The following TMC1 variants were observed in gnomAD, a reference collection of about 807,000 sequenced individuals.
TMC1 encodes transmembrane channel like 1.
In TMC1, 84 loss-of-function variants were observed where a neutral mutation model predicts 105.8. The observed-to-expected ratio is 0.79, with a 90% CI of 0.67 to 0.95. TMC1 has a LOEUF of 0.95. Among genes scored for constraint, TMC1 ranks in the 40% least tolerant of loss-of-function variants. The pLI, the probability that TMC1 is intolerant of heterozygous loss-of-function variation, is 0.00. For synonymous variants in TMC1, 315 were observed against 311.5 expected, an observed-to-expected ratio of 1.01 and a Z score of -0.12; for missense variants, 817 against 914.1, an observed-to-expected ratio of 0.89 and a Z score of 1.37.
chr9:72,534,371 C>T (rs915781785), intron 1 of TMC1, among the ~76,000 whole-genome samples: 9 of 152,000 alleles, frequency 5.9e-5, no homozygotes, highest in African/African-American at 2.2e-4. Flanking sequence ...TGTAGATGGA[C>T]AGCAGTTTAC....
intron 2 of TMC1, among the ~76,000 whole-genome samples, chr9:72,615,848 G>A (rs1431067668): frequency 6.6e-6 from 1 of 151,706 alleles, no homozygotes; most frequent in Non-Finnish European, 1.5e-5. Context: ...CTGCCTCCCG[G>A]GTTTAAGCAA....
chr9:72,538,031 C>G (rs957659362), intron 1 of TMC1, among the ~76,000 whole-genome samples: 1 of 151,994 alleles, frequency 6.6e-6, no homozygotes, highest in Non-Finnish European at 1.5e-5. Context: ...TGGAGCACAC[C>G]TGTAGTCCTT....
intron 2 of TMC1, among the ~76,000 whole-genome samples, chr9:72,601,131 T>C (rs1157083435): frequency 2.0e-5 from 3 of 150,624 alleles, no homozygotes; most frequent in African/African-American, 7.4e-5. Flanking sequence ...GACCAGGAGA[T>C]TAGGACCAAC....
At position 72,557,746 on chromosome 9, in the gene TMC1, A is replaced by G. The variant is rs928991619; in HGVS notation, c.-427-20156A>G. 6.6e-5 allele frequency among the ~76,000 whole-genome samples: 10 copies of G among 152,164 alleles called. No homozygotes were observed. In the East Asian group the frequency reaches 1.9e-3, roughly 29 times the overall value. ...GATGCTGCAGGAGATCTTAGCAAAC[A>G]TTCAAGATTTTCACTGAGTCATTTG... On this transcript the variant is annotated intron_variant, in intron 1 of 23. Coordinates refer to ENST00000297784, the MANE Select transcript of TMC1 (RefSeq NM_138691.3).
chr9:72,758,034 G>C (rs71505995), intron 12 of TMC1, among the ~76,000 whole-genome samples: 3,778 of 152,174 alleles, frequency 0.025, 79 homozygotes, highest in Admixed American at 0.039. Flanking sequence ...GAAGCAATAG[G>C]ATTATATAGT....
At chr9:72,815,109 T>C (rs1828763457) in intron 18 of TMC1, among the ~76,000 whole-genome samples, 1 of 152,162 alleles carries the variant, frequency 6.6e-6, no homozygotes, top group South Asian at 2.1e-4. Context: ...TTATTACCAG[T>C]TGGTCAGTCT....
chr9:72,609,177 T>TTCCC (rs1295676846), intron 2 of TMC1, among the ~76,000 whole-genome samples: 70 of 117,152 alleles, frequency 6.0e-4, no homozygotes, highest in African/African-American at 2.4e-3. Context: ...CGCTTCCTCC[T>TTCCC]TCCCTTCCTT....
chr9:72,527,696 C>T (rs925779561), intron 1 of TMC1, among the ~76,000 whole-genome samples: 2 of 152,168 alleles, frequency 1.3e-5, no homozygotes, highest in Non-Finnish European at 2.9e-5. Flanking sequence ...TTGTTTGTTC[C>T]GTCCCTGGTT....
In TMC1 at chr9:72,772,702, A is replaced by G. The variant is rs148189513; in HGVS notation, c.884+147A>G. 968 of 1,086,316 alleles carry G rather than the reference A, an allele frequency of 8.9e-4. 4 individuals carry two copies. Among genetic ancestry groups the G allele is most frequent in the Non-Finnish European group, 1.2e-3 (852 of 722,332 alleles). The allele number at this position is 1,086,316 out of a possible 1,614,324, so 67.3% of individuals were successfully genotyped here. A position where few individuals can be genotyped will look rare whatever the true frequency, so the allele number is the denominator to read the frequency against. On this transcript the variant is annotated intron_variant, in intron 13 of 23. Transcript: ENST00000297784. ...GAGATGAAATGTAGTTTTAATACCA[A>G]CACTAATGTTAGACTATTACATCTT...
At chr9:72,791,788 T>C in intron 15 of TMC1, 98 bp from the exon 16 acceptor site, 1 of 999,804 alleles carries the variant, frequency 1.0e-6, no homozygotes, top group South Asian at 1.3e-5. Flanking sequence ...TTAAAAAAGA[T>C]CAAAGAAGCC....
chr9:72,532,788 A>G (rs1823521750), intron 1 of TMC1, among the ~76,000 whole-genome samples: 1 of 152,228 alleles, frequency 6.6e-6, no homozygotes, highest in Non-Finnish European at 1.5e-5. Context: ...ATTAATCTTC[A>G]GAAAGACAAA....
chr9:72,726,231 A>G (rs2117965983), intron 8 of TMC1, among the ~76,000 whole-genome samples: 1 of 152,352 alleles, frequency 6.6e-6, no homozygotes, highest in East Asian at 1.9e-4. Context: ...AAATAGTTGT[A>G]TTTATGATGC....
At chr9:72,813,101 A>G (rs1828730491) in intron 18 of TMC1, among the ~76,000 whole-genome samples, 1 of 152,162 alleles carries the variant, frequency 6.6e-6, no homozygotes, top group African/African-American at 2.4e-5. Context: ...AGTTTATTAC[A>G]CTTAGCTCAT....
At chr9:72,753,083 G>T (rs1383517172) in intron 11 of TMC1, among the ~76,000 whole-genome samples, 1 of 152,080 alleles carries the variant, frequency 6.6e-6, no homozygotes, top group Non-Finnish European at 1.5e-5. Flanking sequence ...TAGAACCCAT[G>T]ATTCAATCCC....
chr9:72,830,753 TTGC>T, intron 23 of TMC1, 71 bp downstream of exon 23: 8 of 1,322,190 alleles, frequency 6.1e-6, no homozygotes, highest in Non-Finnish European at 6.3e-6. Flanking sequence ...TTTTTTTTTT[TTGC>T]TTTTTCTCCA....
intron 12 of TMC1, among the ~76,000 whole-genome samples, chr9:72,755,171 G>A (rs1381263583): frequency 6.6e-6 from 1 of 151,876 alleles, no homozygotes; most frequent in Non-Finnish European, 1.5e-5. Context: ...CTATGATTTA[G>A]GACAATGGTA....
intron 1 of TMC1, among the ~76,000 whole-genome samples, chr9:72,533,716 C>T (rs1823533895): frequency 6.6e-6 from 1 of 152,118 alleles, no homozygotes; most frequent in Non-Finnish European, 1.5e-5. Context: ...ACAAACTGGA[C>T]CAAAGACTTA....
At chr9:72,527,509 G>C (rs144397262) in intron 1 of TMC1, among the ~76,000 whole-genome samples, 1 of 152,234 alleles carries the variant, frequency 6.6e-6, no homozygotes, top group African/African-American at 2.4e-5. Context: ...CAGCAGGAGA[G>C]CAGCCTCTTT....
At chr9:72,543,052 T>G (rs1346052588) in intron 1 of TMC1, among the ~76,000 whole-genome samples, 2 of 152,154 alleles carry the variant, frequency 1.3e-5, no homozygotes, top group East Asian at 3.9e-4. Flanking sequence ...TGTGATAATT[T>G]TTTTTAAAAA....
Sources: allele counts gnomAD v4.1 joint callset (sites outside exome capture counted in the v4.1 genomes callset), GRCh38; gene constraint gnomAD v4.1.1; transcripts MANE v1.5; gene names NCBI Gene and HGNC (gene_info 2026-07-23, HGNC 2026-07-21).